Variants in EBF1 observed in about 807,000 individuals in gnomAD.
EBF1 encodes the protein EBF transcription factor 1, also known as transcription factor COE1.
Under a neutral mutation model 68.4 loss-of-function variants are expected in EBF1, and 10 were observed. The ratio of observed to expected loss-of-function variants is 0.15; its 90% CI spans 0.09 to 0.25. The LOEUF is 0.25. EBF1 is among the 10% of genes least tolerant of loss of function. EBF1 has a pLI of 1.00. For missense variants in EBF1, 509 were observed against 794.4 expected (o/e 0.64, Z 4.32); for synonymous variants, 298 against 299.8 (o/e 0.99, Z 0.06).
chr5:158,740,819 C>T (rs1421805379), intron 10 of EBF1, among the ~76,000 whole-genome samples: 1 of 152,184 alleles, frequency 6.6e-6, no homozygotes, highest in East Asian at 1.9e-4. Context: ...GACTATTATA[C>T]TCTAGAACAC....
chr5:158,902,023 G>A (rs569381991), intron 6 of EBF1, among the ~76,000 whole-genome samples: 6 of 152,200 alleles, frequency 3.9e-5, no homozygotes, highest in East Asian at 1.9e-4. Context: ...CCAGGGGGGC[G>A]GAGGTTGCAG....
chr5:158,916,376 T>C (rs1435126898), intron 6 of EBF1, among the ~76,000 whole-genome samples: 1 of 152,218 alleles, frequency 6.6e-6, no homozygotes, highest in Non-Finnish European at 1.5e-5. Flanking sequence ...CCTTTCCATC[T>C]CTACGGGCCA....
intron 6 of EBF1, among the ~76,000 whole-genome samples, chr5:158,869,452 G>A (rs1295236773): frequency 2.6e-5 from 4 of 151,996 alleles, no homozygotes; most frequent in Non-Finnish European, 5.9e-5. Context: ...ACCCGCCCCC[G>A]ACCTTTTAAC....
Position 159,099,628 on chromosome 5 carries a change from T to C in EBF1, c.-150A>G. The C allele has an allele frequency of 2.7e-6, 3 of 1,123,574 alleles. No homozygotes were observed. Among genetic ancestry groups the C allele is most frequent in the Non-Finnish European group, 3.6e-6 (3 of 841,402 alleles). 69.6% of individuals were successfully genotyped at this position (1,123,574 alleles called of 1,614,324 possible). A position where few individuals can be genotyped will look rare whatever the true frequency, so the allele number is the denominator to read the frequency against. On this transcript the variant is annotated 5_prime_UTR_variant, in exon 1 of 16. Coordinates refer to ENST00000313708, the MANE Select transcript of EBF1 (RefSeq NM_024007.5). ...AGACGATGAACTCGCACTTAGAAGA[T>C]CAAGGCGGGCTGGAAAGCAAATTTT...
intron 10 of EBF1, among the ~76,000 whole-genome samples, chr5:158,741,644 A>ACAGTAT (rs1360625543): frequency 6.6e-6 from 1 of 152,080 alleles, no homozygotes; most frequent in East Asian, 1.9e-4. Context: ...GGTAGTTTAT[A>ACAGTAT]CAGTATCTGA....
chr5:158,708,592 A>G (rs1758431581), intron 14 of EBF1, among the ~76,000 whole-genome samples: 1 of 152,182 alleles, frequency 6.6e-6, no homozygotes, highest in Non-Finnish European at 1.5e-5. Context: ...CCCTCTTATG[A>G]GGGATAGAGT....
At chr5:158,878,871 C>G (rs538527917) in intron 6 of EBF1, among the ~76,000 whole-genome samples, 2 of 151,976 alleles carry the variant, frequency 1.3e-5, no homozygotes, top group Non-Finnish European at 2.9e-5. Flanking sequence ...TTCAAACTCC[C>G]GACCTCAAGT....
intron 6 of EBF1, among the ~76,000 whole-genome samples, chr5:158,903,985 C>T (rs1804012552): frequency 6.6e-6 from 1 of 151,958 alleles, no homozygotes; most frequent in Non-Finnish European, 1.5e-5. Flanking sequence ...GTGGAGGGTA[C>T]AAAACACTTG....
intron 6 of EBF1, among the ~76,000 whole-genome samples, chr5:159,059,601 C>T (rs1166425365): frequency 6.6e-6 from 1 of 152,092 alleles, no homozygotes; most frequent in East Asian, 1.9e-4. Context: ...ATTAATCAAA[C>T]CATGGCTAAT....
intron 14 of EBF1, among the ~76,000 whole-genome samples, chr5:158,711,871 A>G (rs1759411090): frequency 6.6e-6 from 1 of 152,188 alleles, no homozygotes; most frequent in Non-Finnish European, 1.5e-5. Flanking sequence ...GTCTTCATCT[A>G]ACTCAGAGCA....
chr5:159,093,486 C>T (rs1239669833), intron 4 of EBF1, among the ~76,000 whole-genome samples: 1 of 152,096 alleles, frequency 6.6e-6, no homozygotes, highest in Non-Finnish European at 1.5e-5. Context: ...TAAAACTAAT[C>T]TTGTTCTTAT....
chr5:158,896,793 T>G (rs1224423385), intron 6 of EBF1, among the ~76,000 whole-genome samples: 4 of 152,146 alleles, frequency 2.6e-5, no homozygotes, highest in Admixed American at 2.6e-4. Flanking sequence ...TCTTGTAAAA[T>G]AAATACCCAA....
At chr5:158,834,953 A>C (rs762026042) in intron 7 of EBF1, among the ~76,000 whole-genome samples, 27 of 152,192 alleles carry the variant, frequency 1.8e-4, no homozygotes, top group Non-Finnish European at 2.9e-4. Context: ...TTTCAATAAA[A>C]CTGGTAAAAG....
At chr5:158,923,150 A>G (rs900731283) in intron 6 of EBF1, among the ~76,000 whole-genome samples, 1 of 152,228 alleles carries the variant, frequency 6.6e-6, no homozygotes, top group Non-Finnish European at 1.5e-5. Flanking sequence ...ACTGCTCAGA[A>G]TCAGAGAACT....
chr5:158,809,177 C>T (rs775243474), intron 8 of EBF1, among the ~76,000 whole-genome samples: 7 of 152,104 alleles, frequency 4.6e-5, no homozygotes, highest in Non-Finnish European at 8.8e-5. Flanking sequence ...AATTAACTAG[C>T]ATTGTTAAGT....
chr5:158,858,533 G>A (rs552042518), intron 6 of EBF1, among the ~76,000 whole-genome samples: 1 of 152,204 alleles, frequency 6.6e-6, no homozygotes, highest in Non-Finnish European at 1.5e-5. Context: ...AAGGCTTAAG[G>A]GACAAACATT....
At chr5:158,909,380 C>A (rs937124842) in intron 6 of EBF1, among the ~76,000 whole-genome samples, 2 of 152,032 alleles carry the variant, frequency 1.3e-5, no homozygotes, top group African/African-American at 4.8e-5. Context: ...AAATGCCAAA[C>A]AATAAGGGCT....
At position 158,794,725 on chromosome 5, in the gene EBF1, A is replaced by G. The variant is rs182503021; in HGVS notation, c.909+1620T>C. On this transcript the variant is annotated intron_variant, in intron 9 of 15. Transcript: ENST00000313708. ...ACAGAAAGAAAGATGGAAAAGGTAG[A>G]AGATACAGCCCACAAGACCTGGGAC... is the stretch of plus-strand genomic sequence containing the variant. Among the ~76,000 whole-genome samples the G allele has an allele frequency of 2.6e-5, 4 of 152,328 alleles. No homozygotes were observed. In the East Asian group the frequency reaches 7.7e-4, roughly 29 times the overall value.
intron 13 of EBF1, 33 bp from the exon 14 acceptor site, chr5:158,712,366 T>C: frequency 6.2e-7 from 1 of 1,608,522 alleles, no homozygotes; most frequent in Non-Finnish European, 8.5e-7. Context: ...GAGGTGAGGG[T>C]GGCATTCAGA....
Sources: allele counts gnomAD v4.1 joint callset (sites outside exome capture counted in the v4.1 genomes callset), GRCh38; gene constraint gnomAD v4.1.1; transcripts MANE v1.5; gene names NCBI Gene and HGNC (gene_info 2026-07-23, HGNC 2026-07-21).